Variants in FKBP1B observed in about 807,000 individuals in gnomAD.
FKBP1B encodes the protein peptidyl-prolyl cis-trans isomerase FKBP1B.
FKBP1B carries 4 observed loss-of-function variants against 13.5 expected under a neutral mutation model. The ratio of observed to expected loss-of-function variants is 0.30; its 90% CI spans 0.15 to 0.68. The LOEUF (loss-of-function observed/expected upper bound fraction) is 0.68, where lower values mean the gene tolerates loss of function less well. Among genes scored for constraint, FKBP1B ranks in the 30% least tolerant of loss-of-function variants. FKBP1B has a pLI of 0.76. For missense variants in FKBP1B, 93 were observed against 136.2 expected (o/e 0.68, Z 1.58); for synonymous variants, 54 against 53.6 (o/e 1.01, Z -0.03).
chr2:24,045,570 C>T (rs1357070541), upstream of FKBP1B, among the ~76,000 whole-genome samples: 5 of 139,272 alleles, frequency 3.6e-5, no homozygotes, highest in African/African-American at 1.1e-4. Flanking sequence ...CACTGCACTC[C>T]AGCCTGGGTG....
At chr2:24,039,000 G>A in the FKBP1B span, 1 of 1,614,130 alleles carries the variant, frequency 6.2e-7, no homozygotes, top group Non-Finnish European at 8.5e-7. Flanking sequence ...GGCCATCCTG[G>A]GTCCAACATG....
chr2:24,061,315 G>A (rs1268849696), intron 3 of FKBP1B, among the ~76,000 whole-genome samples: 7 of 152,100 alleles, frequency 4.6e-5, no homozygotes, highest in East Asian at 1.9e-4. Flanking sequence ...AAATACAGGC[G>A]TGGTGGTGCA....
chr2:24,041,033 C>T, the FKBP1B span, among the ~76,000 whole-genome samples: 1 of 151,366 alleles, frequency 6.6e-6, no homozygotes, highest in Non-Finnish European at 1.5e-5. Flanking sequence ...GAAACAACAA[C>T]AACAAAAAAC....
intron 2 of FKBP1B, 136 bp downstream of exon 2, chr2:24,054,085 C>A: frequency 2.5e-6 from 2 of 797,436 alleles, no homozygotes; most frequent in East Asian, 2.6e-5. Flanking sequence ...TGTGACCAGC[C>A]ATCCTCTACT....
At chr2:24,038,820 C>T in the FKBP1B span, 4 of 1,614,146 alleles carry the variant, frequency 2.5e-6, no homozygotes, top group African/African-American at 5.3e-5. Context: ...AGATCTTATC[C>T]AATGGAAGCT....
rs144901635 is a variant in FKBP1B at position 24,062,505 on chromosome 2, G to A, written c.199-559G>A. The stretch of plus-strand genomic sequence containing the variant: ...TTTTGTATTTTTTAGTAGAGACAGG[G>A]TTTTGCCATATTAGCCAGGCTGGTC... On this transcript the variant is annotated intron_variant, in intron 3 of 3. Transcript: ENST00000380986. Among the ~76,000 whole-genome samples the A allele has an allele frequency of 1.1e-4, 16 of 152,158 alleles. No homozygotes were observed. In the East Asian group the frequency reaches 2.7e-3, roughly 26 times the overall value.
Position 24,063,088 on chromosome 2 carries a change from C to G in FKBP1B, c.223C>G (p.Leu75Val), listed in dbSNP as rs1664472896. The G allele has an allele frequency of 1.9e-6, 3 of 1,614,044 alleles. No homozygotes were observed. In the South Asian group the frequency reaches 3.3e-5, roughly 18 times the overall value. Residue 75 changes from leucine to valine, a missense_variant, in exon 4 of 4, where the codon CTG (leucine) becomes GTG (valine). Transcript: ENST00000380986. ...GATGAGCTTGGGGCAGAGGGCGAAGCTGACCTGCACCCCTGATGTGGCATA... is the reference window on the plus strand; with the variant it reads ...GATGAGCTTGGGGCAGAGGGCGAAGGTGACCTGCACCCCTGATGTGGCATA... Reference protein sequence around the residue: ...AQMSLGQRAKLTCTPDVAYGA... With the variant: ...AQMSLGQRAKVTCTPDVAYGA...
At chr2:24,056,407 C>T (rs1435910618) in intron 2 of FKBP1B, among the ~76,000 whole-genome samples, 2 of 143,608 alleles carry the variant, frequency 1.4e-5, no homozygotes, top group African/African-American at 2.6e-5. Flanking sequence ...TGCAGTGGTG[C>T]GATCTTGGCT....
chr2:24,056,956 A>G (rs766868461), intron 2 of FKBP1B, among the ~76,000 whole-genome samples: 5 of 151,932 alleles, frequency 3.3e-5, no homozygotes, highest in Non-Finnish European at 7.4e-5. Flanking sequence ...CTCCCAGAGT[A>G]CTGGGATTAC....
In FKBP1B at chr2:24,060,937, GATTCGC is replaced by G. The variant is rs753181220; in HGVS notation, c.198+15_198+20del. 2 of 1,603,430 alleles carry G rather than the reference GATTCGC, an allele frequency of 1.2e-6. No individual in the cohort carries two copies. Among genetic ancestry groups the G allele is most frequent in the Middle Eastern group, 1.7e-4 (1 of 6,040 alleles). On this transcript the variant is annotated intron_variant, in intron 3 of 3. Coordinates refer to ENST00000380986, the MANE Select transcript of FKBP1B (RefSeq NM_004116.5). ...GAGGGTGCAGCCCAGGTAGGATGAGGATTCGCATTAAAGGGGATCTGGGGAGTTGGG... is the reference window on the plus strand; with the variant it reads ...GAGGGTGCAGCCCAGGTAGGATGAGGATTAAAGGGGATCTGGGGAGTTGGG...
intron 2 of FKBP1B, among the ~76,000 whole-genome samples, chr2:24,059,613 G>T (rs1454707523): frequency 2.0e-5 from 3 of 152,130 alleles, no homozygotes; most frequent in African/African-American, 2.4e-5. Context: ...GAAAAGTCTG[G>T]CTGGGCATGA....
At chr2:24,046,735 A>G (rs1284336320), upstream of FKBP1B, among the ~76,000 whole-genome samples, 1 of 152,196 alleles carries the variant, frequency 6.6e-6, no homozygotes, top group African/African-American at 2.4e-5. Flanking sequence ...CAAGAAAAAA[A>G]TTAAGAAGAG....
chr2:24,049,709 G>GTCCCGACTCCAGCCGCACC (rs996985124), upstream of FKBP1B: 30 of 594,678 alleles, frequency 5.0e-5, no homozygotes, highest in Non-Finnish European at 6.6e-5. Flanking sequence ...CCCCGCGCAG[G>GTCCCGACTCCAGCCGCACC]TCCCGACTCC....
rs1279659879 is a variant in FKBP1B, at chr2:24,062,367, C to T, written c.199-697C>T. 1.1e-4 allele frequency among the ~76,000 whole-genome samples: 16 copies of T among 152,106 alleles called. 1 individual carries two copies. Among genetic ancestry groups the T allele is most frequent in the Admixed American group, 7.9e-4 (12 of 15,264 alleles). On this transcript the variant is annotated intron_variant, in intron 3 of 3. Coordinates refer to ENST00000380986, the MANE Select transcript of FKBP1B (RefSeq NM_004116.5). ...CTAATTTTTGTATTTTTAGTACAGA[C>T]GGGGTCTCACCATGTTTGCCAGGCT...
chr2:24,038,208 T>C, the FKBP1B span: 5 of 1,614,114 alleles, frequency 3.1e-6, no homozygotes, highest in South Asian at 5.5e-5. Context: ...ACATTATTTC[T>C]CTAACAATCA....
At position 24,060,577 on chromosome 2, in the gene FKBP1B, T is replaced by A. The variant is rs186444237; in HGVS notation, c.86-237T>A. Among the ~76,000 whole-genome samples, 3 of 151,898 alleles carry A rather than the reference T, an allele frequency of 2.0e-5. No individual in the cohort carries two copies. The East Asian group carries it at 5.8e-4, about 29-fold the overall frequency. On this transcript the variant is annotated intron_variant, in intron 2 of 3. Transcript: ENST00000380986. The stretch of plus-strand genomic sequence containing the variant: ...AAATAAATAAATAAATAAATAAAAA[T>A]AGAAATGAAGAAAATAGGTGGATTC...
In FKBP1B at chr2:24,063,330, T is replaced by C; in HGVS notation, c.*138T>C. ...CTGCCTCATGGCATCATCCATTCTCTCTGCCCAAGTTGCTCTGTATGTGTT... is the reference window on the plus strand; with the variant it reads ...CTGCCTCATGGCATCATCCATTCTCCCTGCCCAAGTTGCTCTGTATGTGTT... On this transcript the variant is annotated 3_prime_UTR_variant, in exon 4 of 4. Coordinates refer to ENST00000380986, the MANE Select transcript of FKBP1B (RefSeq NM_004116.5). The C allele has an allele frequency of 1.2e-6, 1 of 812,574 alleles. No homozygotes were observed. Among genetic ancestry groups the C allele is most frequent in the Non-Finnish European group, 1.8e-6 (1 of 549,894 alleles). 50.3% of individuals were successfully genotyped at this position (812,574 alleles called of 1,614,324 possible). A position where few individuals can be genotyped will look rare whatever the true frequency, so the allele number is the denominator to read the frequency against.
chr2:24,038,673 T>C, the FKBP1B span: 4 of 1,614,104 alleles, frequency 2.5e-6, no homozygotes, highest in Non-Finnish European at 3.4e-6. Context: ...AAGAAGAAAC[T>C]GATACTTCAG....
upstream of FKBP1B, among the ~76,000 whole-genome samples, chr2:24,045,269 A>T (rs1663575536): frequency 6.6e-6 from 1 of 152,114 alleles, no homozygotes; most frequent in South Asian, 2.1e-4. Context: ...AGCTTGAGAA[A>T]CTGCTGAACC....
Sources: allele counts gnomAD v4.1 joint callset (sites outside exome capture counted in the v4.1 genomes callset), GRCh38; gene constraint gnomAD v4.1.1; transcripts MANE v1.5; gene names NCBI Gene and HGNC (gene_info 2026-07-23, HGNC 2026-07-21).